Variants in DOCK11 observed in about 807,000 individuals in gnomAD.
DOCK11 encodes the protein dedicator of cytokinesis 11.
A neutral mutation model predicts 169.1 loss-of-function variants in DOCK11; 70 were observed. The observed-to-expected ratio is 0.41, with a 90% CI of 0.34 to 0.51. DOCK11 has a LOEUF of 0.51. Ranked by LOEUF, DOCK11 falls within the 20% of genes least tolerant of loss-of-function variation. The pLI, the probability that DOCK11 is intolerant of heterozygous loss-of-function variation, is 0.10. For missense variants in DOCK11, 1,166 were observed against 1,538.8 expected, an observed-to-expected ratio of 0.76 and a Z score of 4.05; for synonymous variants, 529 against 541.3, an observed-to-expected ratio of 0.98 and a Z score of 0.32.
intron 1 of DOCK11, among the ~76,000 whole-genome samples, chrX:118,502,759 C>CA (rs1420564516): frequency 2.1e-5 from 2 of 95,521 alleles, no homozygotes; most frequent in Non-Finnish European, 4.5e-5. Context: ...GAGATCTGGC[C>CA]AAAACAAAAC....
Position 118,658,924 on chromosome X carries a change from G to C in DOCK11, c.4970-3762G>C, listed in dbSNP as rs143813232. Among the ~76,000 whole-genome samples the C allele has an allele frequency of 4.9e-3, 543 of 111,376 alleles. 2 individuals are homozygous for C. Among genetic ancestry groups the C allele is most frequent in the Non-Finnish European group, 7.7e-3 (411 of 53,038 alleles). On this transcript the variant is annotated intron_variant, in intron 44 of 52. Transcript: ENST00000276202. ...TTCAGCAAAGCTTCAGGCCTGCAAG[G>C]ATTCACCCATCAACCCAGAAAAAGG...
chrX:118,569,158 C>T (rs1305717122), intron 10 of DOCK11, among the ~76,000 whole-genome samples: 1 of 89,262 alleles, frequency 1.1e-5, no homozygotes, highest in Non-Finnish European at 2.1e-5. Context: ...AGTGCAATGG[C>T]ACGATCTCGG....
Position 118,648,215 on chromosome X carries a change from T to A in DOCK11, c.4399-730T>A, listed in dbSNP as rs766901053. On this transcript the variant is annotated intron_variant, in intron 40 of 52. Transcript: ENST00000276202. ...TAATATAATATATAATATTATAATA[T>A]TATATAATAATATAATATATATATA... 1.0e-2 allele frequency among the ~76,000 whole-genome samples: 839 copies of A among 84,205 alleles called. 9 individuals carry two copies. The highest frequency in any genetic ancestry group is 0.036 in the African/African-American group (805 of 22,085). 73.1% of individuals were successfully genotyped at this position (84,205 alleles called of 115,157 possible).
chrX:118,496,282 C>T (rs1187196839), intron 1 of DOCK11, among the ~76,000 whole-genome samples: 3 of 90,499 alleles, frequency 3.3e-5, no homozygotes, highest in Non-Finnish European at 6.5e-5. Flanking sequence ...ACGGCGGAGG[C>T]GTGCGCCGGG....
intron 31 of DOCK11, among the ~76,000 whole-genome samples, chrX:118,619,751 C>A (rs1319438764): frequency 9.2e-6 from 1 of 109,167 alleles, no homozygotes; most frequent in Non-Finnish European, 1.9e-5. Flanking sequence ...ATTTTACATA[C>A]GTTACACTGT....
chrX:118,636,188 A>G (rs960894614), intron 35 of DOCK11, among the ~76,000 whole-genome samples, 158 bp from the exon 36 acceptor site: 6 of 112,161 alleles, frequency 5.3e-5, no homozygotes, highest in Non-Finnish European at 1.1e-4. Flanking sequence ...AAAAGAATAC[A>G]GAGTGTATAC....
intron 1 of DOCK11, among the ~76,000 whole-genome samples, chrX:118,517,327 G>A (rs768269651): frequency 2.8e-5 from 3 of 108,623 alleles, no homozygotes; most frequent in Non-Finnish European, 5.7e-5. Flanking sequence ...GGGTTACAGT[G>A]AGCTATGATC....
rs772007154 is a variant in DOCK11, at chrX:118,652,077, G to A, written c.4695G>A (p.Lys1565=). The change falls in exon 42 of 53, where the codon AAG becomes AAA. Residue 1565 remains lysine (K), a splice_region_variant and synonymous_variant. Transcript: ENST00000276202. ...NNFANSDRPM[K]ATAFPAEVKD... ...TTGCAAATAGTGACAGACCTATGAA[G>A]GTATGTTCTCATTTCAGATAATAAA... 9.0e-7 allele frequency: 1 copy of A among 1,112,927 alleles called. No individual in the cohort carries two copies. The highest frequency in any genetic ancestry group is 1.2e-6 in the Non-Finnish European group (1 of 817,210). 91.7% of individuals were successfully genotyped at this position (1,112,927 alleles called of 1,213,427 possible). A position where few individuals can be genotyped will look rare whatever the true frequency, so the allele number is the denominator to read the frequency against.
intron 6 of DOCK11, among the ~76,000 whole-genome samples, chrX:118,546,723 T>C (rs1026821893): frequency 8.0e-5 from 9 of 111,934 alleles, no homozygotes; most frequent in Non-Finnish European, 3.8e-5. Context: ...GTGCAGTAGC[T>C]CACACCTGTA....
intron 16 of DOCK11, 37 bp from the exon 17 acceptor site, chrX:118,588,100 A>G: frequency 2.8e-6 from 3 of 1,066,666 alleles, no homozygotes; most frequent in Non-Finnish European, 3.7e-6. Context: ...TGATTATTAA[A>G]CTGAATGATC....
intron 44 of DOCK11, among the ~76,000 whole-genome samples, chrX:118,661,622 C>T (rs1057225836): frequency 9.0e-6 from 1 of 111,523 alleles, no homozygotes; most frequent in African/African-American, 3.3e-5. Context: ...TAGCTCCTAT[C>T]AGAAGGAAAC....
At chrX:118,642,404 G>A (rs1282174009) in intron 39 of DOCK11, among the ~76,000 whole-genome samples, 2 of 111,964 alleles carry the variant, frequency 1.8e-5, no homozygotes, top group Non-Finnish European at 3.8e-5. Context: ...CTCTGTTGCC[G>A]AATTTACTAA....
rs1320177204 is a variant in DOCK11 at position 118,561,582 on chromosome X, C to G, written c.693+65C>G. 6 of 1,077,770 alleles carry G rather than the reference C, an allele frequency of 5.6e-6. No homozygotes were observed. In the East Asian group the frequency reaches 2.0e-4, roughly 35 times the overall value. The allele number at this position is 1,077,770 out of a possible 1,213,427, so 88.8% of individuals were successfully genotyped here. ...GTTATTGATAAACTTTTAAGAACCC[C>G]AGATGGTTGGGTGGGGTGGCTTATG... is the stretch of plus-strand genomic sequence containing the variant. On this transcript the variant is annotated intron_variant, in intron 7 of 52. Coordinates refer to ENST00000276202, the MANE Select transcript of DOCK11 (RefSeq NM_144658.4).
intron 1 of DOCK11, among the ~76,000 whole-genome samples, chrX:118,501,301 C>A (rs184561365): frequency 9.2e-6 from 1 of 109,100 alleles, no homozygotes; most frequent in African/African-American, 3.5e-5. Flanking sequence ...GCCAACATGG[C>A]AAAACCCCGT....
At chrX:118,616,527 G>GT (rs113632088) in intron 30 of DOCK11, among the ~76,000 whole-genome samples, 25,536 of 103,510 alleles carry the variant, frequency 0.25, 2,381 homozygotes, top group East Asian at 0.36. Flanking sequence ...GAAGTTACTT[G>GT]TTTTTTTTTT....
chrX:118,676,707 G>A lies in DOCK11; in HGVS notation c.5430G>A (p.Glu1810=), dbSNP rs769839676. The change falls in exon 48 of 53, where the codon GAG becomes GAA. Residue 1810 remains glutamate, a synonymous_variant. Transcript: ENST00000276202. ...TTTATGGTGAAAAGTTTGGTACGGA[G>A]AATGTCAAAATAATTCAGGATTCAG... ...VKLYGEKFGT[E]NVKIIQDSDK... 1 of 1,203,704 alleles carries A rather than the reference G, an allele frequency of 8.3e-7. No individual in the cohort carries two copies. Among genetic ancestry groups the A allele is most frequent in the East Asian group, 3.0e-5 (1 of 33,719 alleles).
chrX:118,572,911 A>G (rs2013326239), intron 11 of DOCK11, among the ~76,000 whole-genome samples: 1 of 111,908 alleles, frequency 8.9e-6, no homozygotes, highest in Non-Finnish European at 1.9e-5. Context: ...ACTAGATAAT[A>G]TGTTTTCTTC....
intron 4 of DOCK11, 69 bp downstream of exon 4, chrX:118,543,662 C>T (rs964695748): frequency 6.3e-6 from 6 of 949,119 alleles, no homozygotes; most frequent in Non-Finnish European, 9.0e-6. Context: ...GTTAAAACCA[C>T]TTGTGAGGCC....
At chrX:118,573,098 A>G (rs2013330865) in intron 11 of DOCK11, among the ~76,000 whole-genome samples, 1 of 112,291 alleles carries the variant, frequency 8.9e-6, no homozygotes, top group Non-Finnish European at 1.9e-5. Context: ...AATCCTTGAA[A>G]CTGTAAGTGT....
Sources: allele counts gnomAD v4.1 joint callset (sites outside exome capture counted in the v4.1 genomes callset), GRCh38; gene constraint gnomAD v4.1.1; transcripts MANE v1.5; gene names NCBI Gene and HGNC (gene_info 2026-07-23, HGNC 2026-07-21).